The following PCDHGA5 variants were observed in gnomAD, a reference collection of about 807,000 sequenced individuals.
PCDHGA5 encodes the protein protocadherin gamma-A5.
In PCDHGA5, 36 loss-of-function variants were observed where a neutral mutation model predicts 56.7. The ratio of observed to expected loss-of-function variants is 0.64; its 90% confidence interval spans 0.49 to 0.84. The LOEUF is 0.84. PCDHGA5 is among the 40% of genes least tolerant of loss of function. PCDHGA5 has a pLI of 0.00. For missense variants in PCDHGA5, 1,305 were observed against 1,201.5 expected, an observed-to-expected ratio of 1.09 and a Z score of -1.27; for synonymous variants, 563 against 520.2, an observed-to-expected ratio of 1.08 and a Z score of -1.12.
intron 1 of PCDHGA5, chr5:141,383,337 A>G (rs1185721914): frequency 6.2e-7 from 1 of 1,614,066 alleles, no homozygotes; most frequent in East Asian, 2.2e-5. Flanking sequence ...TGGAGAATAC[A>G]GCTCCTGGGG....
rs774354457 is a variant in PCDHGA5 at position 141,409,462 on chromosome 5, CA to C, written c.2421+42712del. 8.1e-6 allele frequency: 13 copies of C among 1,613,870 alleles called. No individual in the cohort carries two copies. The East Asian group carries it at 2.9e-4, about 36-fold the overall frequency. On this transcript the variant is annotated intron_variant, in intron 1 of 3. Coordinates refer to ENST00000518069, the MANE Select transcript of PCDHGA5 (RefSeq NM_018918.3). ...GAGAGCAGACACCAGAATACAATGT[CA>C]CCATCGTAGCCACTGACAGGGGCAA... is the stretch of plus-strand genomic sequence containing the variant.
Position 141,365,091 on chromosome 5 carries a change from A to G in PCDHGA5, c.761A>G (p.Asn254Ser). The G allele has an allele frequency of 6.2e-7, 1 of 1,613,870 alleles. No homozygotes were observed. The change falls in exon 1 of 4, where the codon AAC (asparagine) becomes AGC (serine). Residue 254 changes from asparagine to serine, a missense_variant. Transcript: ENST00000518069. Reference sequence around the variant, plus strand: ...GAGTACAGCGTGAGTGTTCCAGAGAACATACCTGTGGGCACTCGGCTGCTC... The same window carrying G: ...GAGTACAGCGTGAGTGTTCCAGAGAGCATACCTGTGGGCACTCGGCTGCTC... ...PSEYSVSVPE[N>S]IPVGTRLLML... is the part of the protein sequence containing the mutation.
intron 1 of PCDHGA5, among the ~76,000 whole-genome samples, chr5:141,386,272 C>T (rs997122540): frequency 1.3e-5 from 2 of 152,150 alleles, no homozygotes; most frequent in African/African-American, 2.4e-5. Context: ...TAACTACTTC[C>T]ATATTCTTTT....
At chr5:141,494,171 G>A (rs72790068) in intron 1 of PCDHGA5, among the ~76,000 whole-genome samples, 9,520 of 152,240 alleles carry the variant, frequency 0.063, 348 homozygotes, top group South Asian at 0.11. Flanking sequence ...TTCTAGGGGT[G>A]AGAAGTGTCC....
rs542113846 is a variant in PCDHGA5 at position 141,433,037 on chromosome 5, A to G, written c.2422-61770A>G. ...GACCTATTCCCACGAGGTTTCCCTCACCACGGACTCGCGGAAGAGTCACCT... is the reference window on the plus strand; with the variant it reads ...GACCTATTCCCACGAGGTTTCCCTCGCCACGGACTCGCGGAAGAGTCACCT... On this transcript the variant is annotated intron_variant, in intron 1 of 3. Coordinates refer to ENST00000518069, the MANE Select transcript of PCDHGA5 (RefSeq NM_018918.3). 249 of 1,614,172 alleles carry G rather than the reference A, an allele frequency of 1.5e-4. 6 individuals are homozygous for G. The South Asian group carries it at 2.5e-3, about 16-fold the overall frequency.
At chr5:141,392,676 C>T in intron 1 of PCDHGA5, 1 of 917,280 alleles carries the variant, frequency 1.1e-6, no homozygotes, top group East Asian at 2.7e-5. Context: ...AACTGCTGGA[C>T]TGCAGCGAAA....
At chr5:141,404,707 C>G in intron 1 of PCDHGA5, 1 of 1,614,122 alleles carries the variant, frequency 6.2e-7, no homozygotes, top group Non-Finnish European at 8.5e-7. Context: ...CAGAGCCTGG[C>G]TACCTGGTGA....
Position 141,491,916 on chromosome 5 carries a change from G to T in PCDHGA5, c.2422-2891G>T. ...GAGCACCGGGGGTGGTGGCGACTGT[G>T]GGCGAGGGGAGGTGGGACCGACCCC... On this transcript the variant is annotated intron_variant, in intron 1 of 3. Transcript: ENST00000518069. The surrounding 1 kb of genome is among the most constrained non-coding windows in gnomAD (Gnocchi z 6.9). 2 of 1,386,662 alleles carry T rather than the reference G, an allele frequency of 1.4e-6. No homozygotes were observed. Among genetic ancestry groups the T allele is most frequent in the African/African-American group, 1.5e-5 (1 of 68,510 alleles). The allele number at this position is 1,386,662 out of a possible 1,614,324, so 85.9% of individuals were successfully genotyped here.
Position 141,387,738 on chromosome 5 carries a change from A to G in PCDHGA5, c.2421+20987A>G, listed in dbSNP as rs972177545. On this transcript the variant is annotated intron_variant, in intron 1 of 3. Transcript: ENST00000518069. ...CAGACTCCCCAGCGCCAGCCTTTAC[A>G]CCGCTTCCTCCTCGGAAAAAGAAGA... 7 of 1,322,274 alleles carry G rather than the reference A, an allele frequency of 5.3e-6. No individual in the cohort carries two copies. The Admixed American group carries it at 1.1e-4, about 21-fold the overall frequency. 81.9% of individuals were successfully genotyped at this position (1,322,274 alleles called of 1,614,324 possible).
intron 1 of PCDHGA5, chr5:141,390,362 G>A: frequency 6.5e-7 from 1 of 1,533,010 alleles, no homozygotes. Flanking sequence ...ATATTTGCAG[G>A]AAAATATATA....
chr5:141,454,351 C>T (rs1406631649), intron 1 of PCDHGA5, among the ~76,000 whole-genome samples: 2 of 152,152 alleles, frequency 1.3e-5, no homozygotes, highest in Non-Finnish European at 2.9e-5. Flanking sequence ...GAAGTTGATC[C>T]AAACTTAGAA....
At chr5:141,380,830 A>T (rs1205839306) in intron 1 of PCDHGA5, among the ~76,000 whole-genome samples, 1 of 152,264 alleles carries the variant, frequency 6.6e-6, no homozygotes, top group Non-Finnish European at 1.5e-5. Flanking sequence ...ATTTTGAGGC[A>T]TCAGGTAAAA....
Position 141,476,538 on chromosome 5 carries a change from A to G in PCDHGA5, c.2422-18269A>G, listed in dbSNP as rs2099393283. ...CCTGCTTTCCCTACCCAGGAAATGAAATTGGAGATTAGCGAGGCCGTGGCT... is the reference window on the plus strand; with the variant it reads ...CCTGCTTTCCCTACCCAGGAAATGAGATTGGAGATTAGCGAGGCCGTGGCT... On this transcript the variant is annotated intron_variant, in intron 1 of 3. Coordinates refer to ENST00000518069, the MANE Select transcript of PCDHGA5 (RefSeq NM_018918.3). The surrounding 1 kb of genome is among the most constrained non-coding windows in gnomAD (Gnocchi z 7.6). 1.2e-6 allele frequency: 2 copies of G among 1,614,162 alleles called. No homozygotes were observed. Among genetic ancestry groups the G allele is most frequent in the Non-Finnish European group, 1.7e-6 (2 of 1,180,042 alleles).
intron 2 of PCDHGA5, among the ~76,000 whole-genome samples, chr5:141,498,949 AAGAG>A (rs1417276243): frequency 1.3e-4 from 18 of 133,552 alleles, no homozygotes; most frequent in African/African-American, 1.9e-4. Context: ...AAGAAAGAAA[AAGAG>A]AGAGAGGGAG....
intron 1 of PCDHGA5, chr5:141,370,409 CG>C (rs775733785): frequency 6.4e-7 from 1 of 1,561,734 alleles, no homozygotes; most frequent in Non-Finnish European, 8.6e-7. Context: ...GAAATAGCTC[CG>C]GATGGAGGGG....
chr5:141,399,412 T>C (rs1473017519), intron 1 of PCDHGA5: 3 of 1,613,948 alleles, frequency 1.9e-6, no homozygotes, highest in East Asian at 4.5e-5. Context: ...GCCGCCCCTC[T>C]CCTCCAGCAT....
intron 1 of PCDHGA5, among the ~76,000 whole-genome samples, chr5:141,488,423 T>C (rs1204233986): frequency 2.0e-5 from 3 of 152,354 alleles, no homozygotes; most frequent in Non-Finnish European, 4.4e-5. Context: ...CCATCCATGC[T>C]TGGCCTCTGA....
rs750100968 is a variant in PCDHGA5, at chr5:141,366,009, C to T, written c.1679C>T (p.Pro560Leu). Residue 560 changes from proline (P) to leucine (L), a missense_variant, in exon 1 of 4, where the codon CCT becomes CTT. Pro to Leu is a moderately conservative substitution (Grantham distance 98). Transcript: ENST00000518069. ...GTGCTGGACCAGAACGACAATACGC[C>T]TGAGATCCTGTACCCCGCCCTCCCC... Reference protein sequence around the residue: ...LFVLDQNDNTPEILYPALPTD... With the variant: ...LFVLDQNDNTLEILYPALPTD... The T allele has an allele frequency of 6.2e-6, 10 of 1,614,108 alleles. No homozygotes were observed. Among genetic ancestry groups the T allele is most frequent in the African/African-American group, 2.7e-5 (2 of 74,936 alleles).
chr5:141,404,485 T>C (rs780359921), intron 1 of PCDHGA5: 2 of 1,613,490 alleles, frequency 1.2e-6, no homozygotes, highest in Admixed American at 1.7e-5. Context: ...ACTCAGACAC[T>C]GGTGTGCTGT....
Sources: gnomAD v4.1 joint callset for allele counts (sites outside exome capture counted in the v4.1 genomes callset) on GRCh38, gnomAD v4.1.1 for gene constraint, Gnocchi (gnomAD v3.1) non-coding constraint, MANE v1.5 for transcripts, NCBI Gene and HGNC (gene_info 2026-07-23, HGNC 2026-07-21) for gene names.